Variants in SYNE2 observed in about 807,000 individuals in gnomAD.
The protein encoded by SYNE2 is spectrin repeat containing nuclear envelope protein 2, also known as nesprin-2.
A neutral mutation model predicts 856.3 loss-of-function variants in SYNE2; 431 were observed. That is an observed-to-expected ratio of 0.50 (90% CI 0.47 to 0.55). The LOEUF is 0.55. Ranked by LOEUF, SYNE2 falls within the 20% of genes least tolerant of loss-of-function variation. The probability of loss-of-function intolerance (pLI) is 0.00; values close to 1 mark genes in which losing one functional copy is unlikely to be tolerated. For synonymous variants in SYNE2, 2,923 were observed against 2,872.3 expected (o/e 1.02, Z -0.56); for missense variants, 8,129 against 8,023.2 (o/e 1.01, Z -0.50).
chr14:63,841,832 C>CTTTTTTTTTTTTTTTTTTTTTTTTA (rs34947861), intron 1 of SYNE2, among the ~76,000 whole-genome samples: 1 of 115,082 alleles, frequency 8.7e-6, no homozygotes, highest in Non-Finnish European at 1.7e-5. Flanking sequence ...TTCTTTCTTT[C>CTTTTTTTTTTTTTTTTTTTTTTTTA]TTTTTTTTTT....
chr14:63,990,427 G>A lies in SYNE2; in HGVS notation c.2330G>A (p.Gly777Asp), dbSNP rs763709769. The A allele has an allele frequency of 6.2e-7, 1 of 1,613,034 alleles. No homozygotes were observed. The highest frequency in any genetic ancestry group is 8.5e-7 in the Non-Finnish European group (1 of 1,179,862). Residue 777 changes from glycine (G) to aspartate (D), a missense_variant, in exon 20 of 116, where the codon GGC becomes GAC. Gly to Asp is a moderately conservative substitution (Grantham distance 94). Transcript: ENST00000555002. ...EESLKHLIAK[G>D]SMFDELMARS... ...TTTTAATAGCATCTTATTGCCAAAG[G>A]CTCTATGTTTGATGAGCTTATGGCA...
chr14:64,140,927 A>G (rs2098134242), intron 80 of SYNE2, among the ~76,000 whole-genome samples: 1 of 151,916 alleles, frequency 6.6e-6, no homozygotes, highest in Non-Finnish European at 1.5e-5. Flanking sequence ...CTTCGTAGCT[A>G]TGATTACTAA....
chr14:64,024,172 C>A, intron 38 of SYNE2, 85 bp from the exon 39 acceptor site: 1 of 1,174,014 alleles, frequency 8.5e-7, no homozygotes, highest in Non-Finnish European at 1.3e-6. Flanking sequence ...TGTCTGTGTA[C>A]TGGTTTGGAA....
At chr14:63,960,869 A>C in intron 8 of SYNE2, 1 of 632,288 alleles carries the variant, frequency 1.6e-6, no homozygotes. Context: ...ACATAGAGAG[A>C]CCCTGTCTAA....
At chr14:63,861,755 C>A (rs1053716314) in intron 1 of SYNE2, among the ~76,000 whole-genome samples, 5 of 151,764 alleles carry the variant, frequency 3.3e-5, no homozygotes, top group Admixed American at 3.3e-4. Context: ...ACAGTGAGAC[C>A]CCGACTAAAA....
chr14:63,978,069 CA>C, intron 13 of SYNE2, 52 bp downstream of exon 13: 1 of 1,151,092 alleles, frequency 8.7e-7, no homozygotes, highest in East Asian at 2.3e-5. Context: ...GTTTGAGTAA[CA>C]ACTGATACTA....
rs2096563934 is a variant in SYNE2 at position 63,978,736 on chromosome 14, T to C, written c.1407-116T>C. The C allele has an allele frequency of 1.5e-5, 12 of 797,594 alleles. No homozygotes were observed. In the South Asian group the frequency reaches 2.0e-4, roughly 13 times the overall value. The allele number at this position is 797,594 out of a possible 1,614,324, so 49.4% of individuals were successfully genotyped here. On this transcript the variant is annotated intron_variant, in intron 13 of 115. Transcript: ENST00000555002. ...AGAAAAAGACAATGATACATCTGAG[T>C]TCCATGTGCTTAAAAGAAAAAGTTA...
At chr14:64,130,295 T>C (rs1334915538) in intron 76 of SYNE2, 47 bp downstream of exon 76, 1 of 1,484,702 alleles carries the variant, frequency 6.7e-7, no homozygotes, top group Non-Finnish European at 9.3e-7. Context: ...GACTAAAATC[T>C]TAAGGTATTT....
chr14:64,202,307 G>T, intron 99 of SYNE2: 1 of 702,294 alleles, frequency 1.4e-6, no homozygotes, highest in Non-Finnish European at 2.6e-6. Flanking sequence ...AGAGAGGAGG[G>T]TCCCATGAGA....
intron 9 of SYNE2, 117 bp from the exon 10 acceptor site, chr14:63,963,778 TAATG>T: frequency 1.4e-6 from 1 of 702,650 alleles, no homozygotes; most frequent in East Asian, 2.7e-5. Context: ...CTCTTTGGCA[TAATG>T]AATCATTGGT....
chr14:64,214,214 G>T lies in SYNE2; in HGVS notation c.19077G>T (p.Glu6359Asp). 6.2e-7 allele frequency: 1 copy of T among 1,614,158 alleles called. No homozygotes were observed. The highest frequency in any genetic ancestry group is 8.5e-7 in the Non-Finnish European group (1 of 1,180,032). The change falls in exon 106 of 116, where the codon GAG becomes GAT. Residue 6359 changes from glutamate to aspartate, a missense_variant. By Grantham distance (45) the Glu-to-Asp change is conservative. This residue lies in a region of SYNE2 where 5,410 missense variants were observed against 5,284.8 expected (regional missense o/e 1.02). Coordinates refer to ENST00000555002, the MANE Select transcript of SYNE2 (RefSeq NM_182914.3). ...SCTPGLEDEK[E>D]ASENETDMED... The stretch of plus-strand genomic sequence containing the variant: ...TTTAGGGCTTGGAAGATGAAAAGGA[G>T]GCCTCTGAGAATGAAACAGACATGG...
In SYNE2 at chr14:64,027,246, C is replaced by T. The variant is rs78351989; in HGVS notation, c.6405-238C>T. Among the ~76,000 whole-genome samples the T allele has an allele frequency of 0.027, 4,137 of 152,156 alleles. 170 individuals carry two copies. The highest frequency in any genetic ancestry group is 0.094 in the African/African-American group (3,888 of 41,486). On this transcript the variant is annotated intron_variant, in intron 42 of 115. Coordinates refer to ENST00000555002, the MANE Select transcript of SYNE2 (RefSeq NM_182914.3). ...TTTGAAATCTAAATTATTAAATATTCTCTGGTCAAATTATGTAACAGAAAA... is the reference window on the plus strand; with the variant it reads ...TTTGAAATCTAAATTATTAAATATTTTCTGGTCAAATTATGTAACAGAAAA...
rs189025516 is a variant in SYNE2, at chr14:64,102,089, G to C, written c.12492+47G>C. On this transcript the variant is annotated intron_variant, in intron 64 of 115. Transcript: ENST00000555002. ...ACGCTTAGGGGTTACGAGGGCCCAG[G>C]GGGGAGCAGGGATCTCTTTCTGCAC... 1.0e-4 allele frequency: 135 copies of C among 1,314,780 alleles called. 1 individual carries two copies. Among genetic ancestry groups the C allele is most frequent in the Non-Finnish European group, 1.4e-4 (123 of 910,498 alleles). 81.4% of individuals were successfully genotyped at this position (1,314,780 alleles called of 1,614,324 possible).
In SYNE2 at chr14:64,134,307, T is replaced by C. The variant is rs2098060204; in HGVS notation, c.14646+107T>C. 1.4e-5 allele frequency: 16 copies of C among 1,174,502 alleles called. No homozygotes were observed. In the South Asian group the frequency reaches 2.0e-4, roughly 14 times the overall value. The allele number at this position is 1,174,502 out of a possible 1,614,324, so 72.8% of individuals were successfully genotyped here. A position where few individuals can be genotyped will look rare whatever the true frequency, so the allele number is the denominator to read the frequency against. On this transcript the variant is annotated intron_variant, in intron 78 of 115. Coordinates refer to ENST00000555002, the MANE Select transcript of SYNE2 (RefSeq NM_182914.3). ...TTGGAAGGTTTGAATTGAAACAAAATGTTCATCATACAACTCACTGTTGAA... is the reference window on the plus strand; with the variant it reads ...TTGGAAGGTTTGAATTGAAACAAAACGTTCATCATACAACTCACTGTTGAA...
chr14:63,900,037 A>G (rs1472328224), intron 1 of SYNE2, among the ~76,000 whole-genome samples: 1 of 152,222 alleles, frequency 6.6e-6, no homozygotes, highest in Non-Finnish European at 1.5e-5. Context: ...CCCATTCTAC[A>G]GCAGTGGATA....
At chr14:64,113,255 TG>T in intron 65 of SYNE2, 85 bp from the exon 66 acceptor site, 1 of 1,606,714 alleles carries the variant, frequency 6.2e-7, no homozygotes, top group South Asian at 1.1e-5. Context: ...TTCTTTTAAC[TG>T]GGGAAATGTT....
At chr14:64,028,465 A>G (rs186935130) in intron 43 of SYNE2, among the ~76,000 whole-genome samples, 3 of 152,082 alleles carry the variant, frequency 2.0e-5, no homozygotes, top group Admixed American at 2.0e-4. Context: ...TTGTTGCCCA[A>G]GCTGGTCTAG....
intron 1 of SYNE2, among the ~76,000 whole-genome samples, chr14:63,816,835 G>A (rs555667612): frequency 7.9e-5 from 12 of 152,178 alleles, no homozygotes; most frequent in African/African-American, 1.9e-4. Context: ...TCGTGTCTCA[G>A]CGTCCTGGGT....
chr14:64,081,493 T>C lies in SYNE2; in HGVS notation c.11397T>C (p.Ala3799=), dbSNP rs752459092. The C allele has an allele frequency of 1.9e-6, 3 of 1,614,208 alleles. No individual in the cohort carries two copies. Among genetic ancestry groups the C allele is most frequent in the East Asian group, 2.2e-5 (1 of 44,888 alleles). ...GTGACCTTCTGAAGAGCACTGAGGCTTGGATAGAAAATACCAGTCATTTGC... is the reference window on the plus strand; with the variant it reads ...GTGACCTTCTGAAGAGCACTGAGGCCTGGATAGAAAATACCAGTCATTTGC... ...EYSDLLKSTE[A]WIENTSHLLA... Residue 3799 remains alanine (A), a synonymous_variant, in exon 57 of 116, where the codon GCT becomes GCC. Coordinates refer to ENST00000555002, the MANE Select transcript of SYNE2 (RefSeq NM_182914.3).
Sources: allele counts gnomAD v4.1 joint callset (sites outside exome capture counted in the v4.1 genomes callset), GRCh38; gene constraint gnomAD v4.1.1; regional missense constraint gnomAD v4.1.1; transcripts MANE v1.5; gene names NCBI Gene and HGNC (gene_info 2026-07-23, HGNC 2026-07-21).